STK38L: variants seen among roughly 807,000 people sequenced by gnomAD.
STK38L encodes the protein serine/threonine kinase 38 like.
A neutral mutation model predicts 59.7 loss-of-function variants in STK38L; 28 were observed. That is an observed-to-expected ratio of 0.47 (90% CI 0.35 to 0.64). The LOEUF is 0.64. STK38L is among the 30% of genes least tolerant of loss of function. The probability of loss-of-function intolerance (pLI) is 0.01; values close to 1 mark genes in which losing one functional copy is unlikely to be tolerated. For synonymous variants in STK38L, 162 were observed against 176.8 expected (o/e 0.92, Z 0.66); for missense variants, 314 against 555.8 (o/e 0.56, Z 4.37).
intron 1 of STK38L, among the ~76,000 whole-genome samples, chr12:27,246,419 T>G (rs1418879156): frequency 6.6e-6 from 1 of 152,232 alleles, no homozygotes; most frequent in African/African-American, 2.4e-5. Flanking sequence ...TAAAATGCTT[T>G]TATTTTATGT....
At chr12:27,249,585 G>A (rs879292571) in intron 1 of STK38L, among the ~76,000 whole-genome samples, 7 of 152,086 alleles carry the variant, frequency 4.6e-5, no homozygotes, top group African/African-American at 9.7e-5. Context: ...TGATCCGCCC[G>A]CCTCGGCCTC....
intron 11 of STK38L, 139 bp downstream of exon 11, chr12:27,318,158 AAAT>A (rs1441588170): frequency 3.7e-6 from 4 of 1,092,132 alleles, no homozygotes; most frequent in Non-Finnish European, 5.1e-6. Flanking sequence ...GTGTTTTTAA[AAAT>A]GTAAACTCTT....
At chr12:27,317,575 C>T in intron 10 of STK38L, 122 bp downstream of exon 10, 1 of 843,692 alleles carries the variant, frequency 1.2e-6, no homozygotes, top group Admixed American at 2.7e-5. Context: ...TTCTGATGTT[C>T]CCCCAATGTT....
intron 1 of STK38L, among the ~76,000 whole-genome samples, chr12:27,250,782 C>T (rs1411835092): frequency 2.6e-5 from 4 of 151,870 alleles, no homozygotes; most frequent in African/African-American, 7.3e-5. Context: ...GGGCAGATCA[C>T]GAGGTCAGGA....
At chr12:27,286,353 C>T (rs895892112) in intron 1 of STK38L, among the ~76,000 whole-genome samples, 1 of 152,022 alleles carries the variant, frequency 6.6e-6, no homozygotes, top group South Asian at 2.1e-4. Flanking sequence ...TTGGAAAATT[C>T]AAAAAGTGAT....
At chr12:27,268,567 C>T (rs1943350497) in intron 1 of STK38L, among the ~76,000 whole-genome samples, 2 of 152,114 alleles carry the variant, frequency 1.3e-5, no homozygotes, top group South Asian at 4.1e-4. Context: ...TGAATAGTGC[C>T]ACAATAAACA....
intron 1 of STK38L, among the ~76,000 whole-genome samples, chr12:27,292,759 A>T (rs1475455268): frequency 4.6e-5 from 7 of 152,184 alleles, no homozygotes; most frequent in Admixed American, 1.3e-4. Flanking sequence ...ATCATTACTA[A>T]ATTATATAGA....
At chr12:27,263,611 T>A (rs112051009) in intron 1 of STK38L, among the ~76,000 whole-genome samples, 1 of 152,182 alleles carries the variant, frequency 6.6e-6, no homozygotes, top group African/African-American at 2.4e-5. Flanking sequence ...TTATGTCCTT[T>A]AGGATGGAGC....
chr12:27,323,195 G>C lies in STK38L; in HGVS notation c.*740G>C, dbSNP rs1184236436. On this transcript the variant is annotated 3_prime_UTR_variant, in exon 14 of 14. Coordinates refer to ENST00000389032, the MANE Select transcript of STK38L (RefSeq NM_015000.4). Reference sequence around the variant, plus strand: ...CATATACGTAGTCTGTATACTCATAGGGAGATGTACTGTATTATATAACAT... The same window carrying C: ...CATATACGTAGTCTGTATACTCATACGGAGATGTACTGTATTATATAACAT... The C allele has an allele frequency of 6.6e-6, 1 of 152,138 alleles. No homozygotes were observed. The highest frequency in any genetic ancestry group is 6.5e-5 in the Admixed American group (1 of 15,276). The allele number at this position is 152,138 out of a possible 1,614,324, so 9.4% of individuals were successfully genotyped here.
chr12:27,259,362 A>G (rs957276303), intron 1 of STK38L, among the ~76,000 whole-genome samples: 21 of 152,188 alleles, frequency 1.4e-4, no homozygotes, highest in African/African-American at 4.3e-4. Flanking sequence ...TGGTCAAGTC[A>G]GATTTGCAGT....
chr12:27,305,480 A>G (rs1944288169), intron 3 of STK38L, among the ~76,000 whole-genome samples: 1 of 152,152 alleles, frequency 6.6e-6, no homozygotes, highest in Non-Finnish European at 1.5e-5. Context: ...TAGAGCCTGG[A>G]TTATATCAAA....
chr12:27,321,992 GAACTCCCTT>G, intron 12 of STK38L, 142 bp from the exon 13 acceptor site: 1 of 554,954 alleles, frequency 1.8e-6, no homozygotes, highest in African/African-American at 1.9e-5. Context: ...CAACTATTTT[GAACTCCCTT>G]TAACTAATCT....
At chr12:27,311,330 G>A (rs906093517) in intron 5 of STK38L, among the ~76,000 whole-genome samples, 1 of 152,098 alleles carries the variant, frequency 6.6e-6, no homozygotes, top group Non-Finnish European at 1.5e-5. Context: ...CAACTCTTAC[G>A]CTTTGATCTC....
intron 8 of STK38L, 43 bp downstream of exon 8, chr12:27,315,160 A>G (rs749474975): frequency 4.4e-6 from 7 of 1,582,162 alleles, no homozygotes; most frequent in Non-Finnish European, 8.7e-7. Context: ...TGGTTAAGAT[A>G]CTGTAGAGAA....
intron 1 of STK38L, among the ~76,000 whole-genome samples, chr12:27,269,971 C>T (rs1185941731): frequency 1.1e-4 from 17 of 152,142 alleles, no homozygotes; most frequent in African/African-American, 3.6e-4. Context: ...CCCTTTTTTG[C>T]TGCTGTTTCT....
intron 1 of STK38L, among the ~76,000 whole-genome samples, chr12:27,265,993 C>T (rs1943294252): frequency 6.6e-6 from 1 of 152,288 alleles, no homozygotes; most frequent in African/African-American, 2.4e-5. Flanking sequence ...TGCTACCCTT[C>T]ACCAGGTAGA....
intron 1 of STK38L, among the ~76,000 whole-genome samples, chr12:27,271,224 A>T (rs1278773749): frequency 6.6e-6 from 1 of 152,240 alleles, no homozygotes; most frequent in Non-Finnish European, 1.5e-5. Context: ...ACAGTTTTAG[A>T]CGTAGATTCA....
At chr12:27,251,987 C>CT (rs138753725) in intron 1 of STK38L, among the ~76,000 whole-genome samples, 24,584 of 150,236 alleles carry the variant, frequency 0.16, 2,275 homozygotes, top group African/African-American at 0.26. Flanking sequence ...TACAGTAGCA[C>CT]TTTTTTTTTT....
At chr12:27,302,019 T>G in intron 2 of STK38L, 118 bp from the exon 3 acceptor site, 1 of 207,400 alleles carries the variant, frequency 4.8e-6, no homozygotes, top group Non-Finnish European at 8.6e-6. Flanking sequence ...AACTTGAAAG[T>G]TTTTTTTTTT....
Sources: gnomAD v4.1 joint callset for allele counts (sites outside exome capture counted in the v4.1 genomes callset) on GRCh38, gnomAD v4.1.1 for gene constraint, MANE v1.5 for transcripts, NCBI Gene and HGNC (gene_info 2026-07-23, HGNC 2026-07-21) for gene names.